The following EPHB1 variants were observed in gnomAD, a reference collection of about 807,000 sequenced individuals.
The protein encoded by EPHB1 is ephrin type-B receptor 1.
In EPHB1, 30 loss-of-function variants were observed where a neutral mutation model predicts 94.4. The ratio of observed to expected loss-of-function variants is 0.32; its 90% CI spans 0.24 to 0.43. The LOEUF is 0.43. EPHB1 is among the 20% of genes least tolerant of loss of function. EPHB1 has a pLI of 1.00. For missense variants in EPHB1, 1,055 were observed against 1,308.3 expected (o/e 0.81, Z 2.99); for synonymous variants, 522 against 489.1 (o/e 1.07, Z -0.89).
intron 1 of EPHB1, among the ~76,000 whole-genome samples, chr3:134,868,734 T>C (rs1005472794): frequency 1.3e-5 from 2 of 152,232 alleles, no homozygotes; most frequent in African/African-American, 2.4e-5. Flanking sequence ...TGGCTTCAAG[T>C]TGTGCACCAA....
intron 12 of EPHB1, among the ~76,000 whole-genome samples, chr3:135,215,747 GAC>G (rs929000221): frequency 3.9e-5 from 6 of 152,190 alleles, no homozygotes; most frequent in Admixed American, 3.9e-4. Context: ...GGCTTGTAAA[GAC>G]ACAGACTGCT....
At chr3:134,831,987 T>A (rs2108293700) in intron 1 of EPHB1, among the ~76,000 whole-genome samples, 1 of 152,302 alleles carries the variant, frequency 6.6e-6, no homozygotes, top group East Asian at 1.9e-4. Flanking sequence ...AGCGGCATTG[T>A]TCAGTGTCAT....
chr3:135,208,497 A>G (rs1448693204), intron 12 of EPHB1, among the ~76,000 whole-genome samples: 1 of 152,140 alleles, frequency 6.6e-6, no homozygotes, highest in Non-Finnish European at 1.5e-5. Flanking sequence ...CTTTCACCAA[A>G]AAGCCATTAA....
At chr3:134,827,757 C>T (rs2036510288) in intron 1 of EPHB1, among the ~76,000 whole-genome samples, 1 of 152,148 alleles carries the variant, frequency 6.6e-6, no homozygotes, top group Admixed American at 6.5e-5. Context: ...AAGGCAGAGA[C>T]TGAGAATGGG....
intron 3 of EPHB1, among the ~76,000 whole-genome samples, chr3:135,048,456 C>A (rs1273556591): frequency 6.6e-6 from 1 of 151,782 alleles, no homozygotes; most frequent in Non-Finnish European, 1.5e-5. Context: ...TTTTACTAGA[C>A]ATGGGGTTTC....
At chr3:135,014,712 CT>C (rs1935735712) in intron 3 of EPHB1, among the ~76,000 whole-genome samples, 1 of 152,156 alleles carries the variant, frequency 6.6e-6, no homozygotes, top group South Asian at 2.1e-4. Context: ...ATTTTGAAGC[CT>C]GCCTTGCCTG....
At chr3:135,041,262 C>T (rs368082142) in intron 3 of EPHB1, among the ~76,000 whole-genome samples, 1 of 152,150 alleles carries the variant, frequency 6.6e-6, no homozygotes, top group Non-Finnish European at 1.5e-5. Context: ...AACCCCCCAG[C>T]CTTCCCCCAA....
chr3:134,989,351 A>C (rs979472365), intron 3 of EPHB1, among the ~76,000 whole-genome samples: 1 of 152,242 alleles, frequency 6.6e-6, no homozygotes, highest in African/African-American at 2.4e-5. Context: ...CATGGAAATC[A>C]TTATTACTAT....
intron 3 of EPHB1, among the ~76,000 whole-genome samples, chr3:135,010,558 G>GTTTTTTTTTT (rs58579496): frequency 1.4e-4 from 15 of 110,374 alleles, no homozygotes; most frequent in Non-Finnish European, 2.4e-4. Context: ...ATTTTTTTCT[G>GTTTTTTTTTT]TTTTTTTTTT....
chr3:134,985,351 G>T (rs1275807199), intron 3 of EPHB1, among the ~76,000 whole-genome samples: 1 of 152,120 alleles, frequency 6.6e-6, no homozygotes, highest in Non-Finnish European at 1.5e-5. Context: ...TAGAGACAGG[G>T]TTTCACCATG....
intron 3 of EPHB1, among the ~76,000 whole-genome samples, chr3:135,019,300 T>C (rs888195585): frequency 2.0e-5 from 3 of 152,016 alleles, no homozygotes; most frequent in African/African-American, 7.2e-5. Flanking sequence ...TGGGGTCCCT[T>C]AGGCTGGTCA....
At chr3:135,065,284 T>C (rs1937566784) in intron 3 of EPHB1, among the ~76,000 whole-genome samples, 1 of 152,208 alleles carries the variant, frequency 6.6e-6, no homozygotes, top group Non-Finnish European at 1.5e-5. Flanking sequence ...ATGACCTGTC[T>C]AGTGCTGTCA....
intron 3 of EPHB1, among the ~76,000 whole-genome samples, chr3:135,074,283 T>G (rs545637217): frequency 1.3e-5 from 2 of 152,224 alleles, no homozygotes; most frequent in South Asian, 4.2e-4. Context: ...CATGAGCTCA[T>G]AGATTTAAAC....
At chr3:135,170,197 C>T (rs1275829534) in intron 9 of EPHB1, among the ~76,000 whole-genome samples, 1 of 152,166 alleles carries the variant, frequency 6.6e-6, no homozygotes, top group Non-Finnish European at 1.5e-5. Context: ...GCTGGCAGCC[C>T]CTCCCCTCCC....
At chr3:135,018,127 T>G (rs1031236324) in intron 3 of EPHB1, among the ~76,000 whole-genome samples, 1 of 152,100 alleles carries the variant, frequency 6.6e-6, no homozygotes, top group African/African-American at 2.4e-5. Flanking sequence ...AAAAAACATC[T>G]TCTTCAGAAA....
chr3:135,125,295 A>T (rs950499816), intron 4 of EPHB1, among the ~76,000 whole-genome samples: 1 of 151,680 alleles, frequency 6.6e-6, no homozygotes, highest in Non-Finnish European at 1.5e-5. Context: ...TTGGGATCTT[A>T]TTATGATGCC....
At chr3:134,952,118 C>T in intron 3 of EPHB1, 66 bp downstream of exon 3, 1 of 1,494,324 alleles carries the variant, frequency 6.7e-7, no homozygotes, top group South Asian at 1.3e-5. Context: ...GTTTCCCCAC[C>T]AATAATTCTG....
chr3:134,813,858 A>G (rs1328274569), intron 1 of EPHB1, among the ~76,000 whole-genome samples: 3 of 152,218 alleles, frequency 2.0e-5, no homozygotes, highest in African/African-American at 7.2e-5. Context: ...CTGCAGTGGT[A>G]CCATCAGGGC....
chr3:135,137,221 A>C (rs1940653396), intron 5 of EPHB1, among the ~76,000 whole-genome samples: 1 of 152,178 alleles, frequency 6.6e-6, no homozygotes, highest in Non-Finnish European at 1.5e-5. Context: ...AGAGGAGCAA[A>C]GCAGAGCCAG....
Sources: gnomAD v4.1 joint callset for allele counts (sites outside exome capture counted in the v4.1 genomes callset) on GRCh38, gnomAD v4.1.1 for gene constraint, MANE v1.5 for transcripts, NCBI Gene and HGNC (gene_info 2026-07-23, HGNC 2026-07-21) for gene names.